The following TACC1 variants were observed in gnomAD, a reference collection of about 807,000 sequenced individuals.
The protein encoded by TACC1 is transforming acidic coiled-coil-containing protein 1.
Under a neutral mutation model 84.4 loss-of-function variants are expected in TACC1, and 48 were observed. The ratio of observed to expected loss-of-function variants is 0.57; its 90% CI spans 0.45 to 0.72. TACC1 has a LOEUF of 0.72. Among genes scored for constraint, TACC1 ranks in the 30% least tolerant of loss-of-function variants. TACC1 has a pLI of 0.00. For synonymous variants in TACC1, 372 were observed against 376.3 expected, an observed-to-expected ratio of 0.99 and a Z score of 0.13; for missense variants, 920 against 973.0, an observed-to-expected ratio of 0.95 and a Z score of 0.72.
In TACC1 at chr8:38,820,280, G is replaced by T. The variant is rs1334933567; in HGVS notation, c.1036G>T (p.Gly346Cys). 1 of 1,614,144 alleles carries T rather than the reference G, an allele frequency of 6.2e-7. No individual in the cohort carries two copies. The highest frequency in any genetic ancestry group is 2.2e-5 in the East Asian group (1 of 44,866). Residue 346 changes from glycine (G) to cysteine (C), a missense_variant, in exon 3 of 13, where the codon GGT becomes TGT. By Grantham distance (159) the Gly-to-Cys change is radical. Transcript: ENST00000317827. Reference protein sequence around the residue: ...ALPRKLGRKLGSTLTPKIQKD... With the variant: ...ALPRKLGRKLCSTLTPKIQKD... ...TCCAAGGAAGCTTGGCAGGAAACTG[G>T]GTAGCACACTGACTCCCAAGATACA... is the stretch of plus-strand genomic sequence containing the variant.
At position 38,851,827 on chromosome 8, in the gene TACC1, A is replaced by G; in HGVS notation, c.*3804A>G. The G allele has an allele frequency of 2.3e-6, 1 of 431,030 alleles. No homozygotes were observed. Among genetic ancestry groups the G allele is most frequent in the Non-Finnish European group, 4.7e-6 (1 of 214,514 alleles). 26.7% of individuals were successfully genotyped at this position (431,030 alleles called of 1,614,324 possible). A position where few individuals can be genotyped will look rare whatever the true frequency, so the allele number is the denominator to read the frequency against. ...ACAGATTATTTGCTTATGAAAGAACAATATAGTCTGGGAATCCCAGAATGT... is the reference window on the plus strand; with the variant it reads ...ACAGATTATTTGCTTATGAAAGAACGATATAGTCTGGGAATCCCAGAATGT... On this transcript the variant is annotated 3_prime_UTR_variant, in exon 13 of 13. Coordinates refer to ENST00000317827, the MANE Select transcript of TACC1 (RefSeq NM_006283.3).
At chr8:38,776,369 T>G (rs1294061127) in intron 3 of TACC1, among the ~76,000 whole-genome samples, 1 of 152,182 alleles carries the variant, frequency 6.6e-6, no homozygotes, top group Non-Finnish European at 1.5e-5. Context: ...GGCTTGAGTC[T>G]TTTGGTTCGG....
At chr8:38,840,430 TG>T in intron 9 of TACC1, 163 bp downstream of exon 9, 1 of 577,560 alleles carries the variant, frequency 1.7e-6, no homozygotes, top group Non-Finnish European at 3.0e-6. Context: ...ATGAGATGTC[TG>T]GGGAGGGCCC....
In TACC1 at chr8:38,767,872, C is replaced by T. The variant is rs567674946; in HGVS notation, c.27-20832C>T. Among the ~76,000 whole-genome samples the T allele has an allele frequency of 2.0e-5, 3 of 152,194 alleles. No individual in the cohort carries two copies. The South Asian group carries it at 6.2e-4, about 32-fold the overall frequency. On this transcript the variant is annotated intron_variant, in intron 3 of 14. Transcript: ENST00000518415. The stretch of plus-strand genomic sequence containing the variant: ...TTGAGCCCAGGAGTTTGGGACCAGT[C>T]TGGGCAACATAGCAAGACTCTATCT...
chr8:38,815,162 A>G (rs1468301154), intron 2 of TACC1, among the ~76,000 whole-genome samples: 1 of 152,116 alleles, frequency 6.6e-6, no homozygotes, highest in Non-Finnish European at 1.5e-5. Context: ...TTAAAATACA[A>G]CCTCTTGTAT....
In TACC1 at chr8:38,820,606, A is replaced by G; in HGVS notation, c.1362A>G (p.Ser454=). 1 of 1,610,304 alleles carries G rather than the reference A, an allele frequency of 6.2e-7. No homozygotes were observed. The highest frequency in any genetic ancestry group is 2.2e-5 in the East Asian group (1 of 44,872). ...ATCACGTTAATGAAATCTTAGAATC[A>G]CCCAAGAAGGCAAAGTCGCGTTTAA... ...TGNHVNEILE[S]PKKAKSRLIT... Residue 454 remains serine, a synonymous_variant, in exon 3 of 13, where the codon TCA becomes TCG. Transcript: ENST00000317827.
chr8:38,824,003 G>A, intron 3 of TACC1: 1 of 1,352,026 alleles, frequency 7.4e-7, no homozygotes, highest in Non-Finnish European at 9.8e-7. Flanking sequence ...TACTGAACAA[G>A]TGAAATTTCT....
chr8:38,828,180 A>G (rs1466407315), intron 5 of TACC1: 1 of 152,222 alleles, frequency 6.6e-6, no homozygotes, highest in Non-Finnish European at 1.5e-5. Flanking sequence ...GTGCCTTACC[A>G]TGTACAGGCA....
intron 10 of TACC1, 24 bp downstream of exon 10, chr8:38,842,471 T>G (rs759382105): frequency 6.3e-7 from 1 of 1,589,378 alleles, no homozygotes; most frequent in African/African-American, 1.4e-5. Context: ...TCCCTCTGTC[T>G]CCTGGTGTAT....
intron 2 of TACC1, chr8:38,799,922 C>T (rs1820953716): frequency 6.6e-6 from 1 of 152,268 alleles, no homozygotes; most frequent in African/African-American, 2.4e-5. Context: ...AATCCCAGCA[C>T]TTTGGGAGGC....
chr8:38,806,785 G>C (rs1822856226), intron 2 of TACC1, among the ~76,000 whole-genome samples: 1 of 152,092 alleles, frequency 6.6e-6, no homozygotes. Context: ...CCCCAGCTGG[G>C]TTTTCAAAAA....
intron 1 of TACC1, among the ~76,000 whole-genome samples, chr8:38,741,647 A>G (rs564840148): frequency 6.6e-6 from 1 of 152,144 alleles, no homozygotes; most frequent in Non-Finnish European, 1.5e-5. Flanking sequence ...GAAATAAAGT[A>G]TTGGTGGATG....
chr8:38,830,520 G>A (rs1828991585), intron 5 of TACC1, among the ~76,000 whole-genome samples: 1 of 152,162 alleles, frequency 6.6e-6, no homozygotes, highest in African/African-American at 2.4e-5. Context: ...ACCCACCTTG[G>A]CCTCCCAAAG....
At chr8:38,756,516 G>A (rs1318467383) in intron 3 of TACC1, among the ~76,000 whole-genome samples, 1 of 152,154 alleles carries the variant, frequency 6.6e-6, no homozygotes, top group East Asian at 1.9e-4. Flanking sequence ...GTTGCTAGGT[G>A]TAGCTGGATC....
chr8:38,830,983 G>A, intron 5 of TACC1, 142 bp from the exon 6 acceptor site: 4 of 689,658 alleles, frequency 5.8e-6, no homozygotes, highest in Non-Finnish European at 7.4e-6. Flanking sequence ...AAATGCCAGC[G>A]CTCCTTTTAA....
At position 38,787,646 on chromosome 8, in the gene TACC1, G is replaced by A; in HGVS notation, c.64G>A (p.Val22Ile). ...VQWAKWTWSA[V>I]RGGAAGEDEA... is the part of the protein sequence containing the mutation. ...GTGGGCGAAATGGACGTGGTCTGCG[G>A]TACGCGGCGGGGCCGCCGGCGAGGA... is the stretch of plus-strand genomic sequence containing the variant. The change falls in exon 1 of 13, where the codon GTA becomes ATA. Residue 22 changes from valine to isoleucine, a missense_variant. Physicochemically the swap from Val to Ile is conservative, Grantham distance 29. This residue lies in a region of TACC1 where 762 missense variants were observed against 747.3 expected (regional missense o/e 1.02). Coordinates refer to ENST00000317827, the MANE Select transcript of TACC1 (RefSeq NM_006283.3). 1 of 1,550,706 alleles carries A rather than the reference G, an allele frequency of 6.4e-7. No homozygotes were observed. The highest frequency in any genetic ancestry group is 8.7e-7 in the Non-Finnish European group (1 of 1,148,248).
intron 2 of TACC1, among the ~76,000 whole-genome samples, chr8:38,815,427 G>GT (rs1334725694): frequency 1.3e-4 from 19 of 151,634 alleles, no homozygotes; most frequent in South Asian, 2.1e-4. Context: ...TTGTTTGTTT[G>GT]TTTGTTTTTG....
chr8:38,732,681 G>A (rs755671507), intron 1 of TACC1, among the ~76,000 whole-genome samples: 3 of 152,162 alleles, frequency 2.0e-5, no homozygotes, highest in Admixed American at 6.5e-5. Flanking sequence ...CCTCATGGCC[G>A]CCTGTCAGGT....
In TACC1 at chr8:38,819,519, T is replaced by C. The variant is rs765888096; in HGVS notation, c.278-3T>C. The C allele has an allele frequency of 9.4e-6, 15 of 1,595,662 alleles. No homozygotes were observed. Among genetic ancestry groups the C allele is most frequent in the Non-Finnish European group, 1.1e-5 (13 of 1,169,358 alleles). On this transcript the variant is annotated splice_polypyrimidine_tract_variant and splice_region_variant and intron_variant, in intron 2 of 12. Coordinates refer to ENST00000317827, the MANE Select transcript of TACC1 (RefSeq NM_006283.3). ...AATAGATGGTTTTTGTGTTTCATTTTAGAATCACAAGAAGCTGATGAACAG... is the reference window on the plus strand; with the variant it reads ...AATAGATGGTTTTTGTGTTTCATTTCAGAATCACAAGAAGCTGATGAACAG...
Sources: gnomAD v4.1 joint callset for allele counts (sites outside exome capture counted in the v4.1 genomes callset) on GRCh38, gnomAD v4.1.1 for gene constraint, gnomAD v4.1.1 regional missense constraint, MANE v1.5 for transcripts, NCBI Gene and HGNC (gene_info 2026-07-23, HGNC 2026-07-21) for gene names.